UBE2U: variants seen among roughly 807,000 people sequenced by gnomAD.
UBE2U encodes ubiquitin conjugating enzyme E2 U.
UBE2U carries 39 observed loss-of-function variants against 41.2 expected under a neutral mutation model. The observed-to-expected ratio is 0.95, with a 90% confidence interval of 0.73 to 1.24. The LOEUF (loss-of-function observed/expected upper bound fraction) is 1.24, where lower values mean the gene tolerates loss of function less well. UBE2U is among the 50% of genes most tolerant of loss of function. The pLI is 0.00. For missense variants in UBE2U, 336 were observed against 363.1 expected (o/e 0.93, Z 0.61); for synonymous variants, 107 against 117.8 (o/e 0.91, Z 0.60).
chr1:64,205,556 A>G, intron 1 of UBE2U, 83 bp from the exon 2 acceptor site: 1 of 1,093,032 alleles, frequency 9.1e-7, no homozygotes, highest in Non-Finnish European at 1.3e-6. Context: ...TTTAGAATTC[A>G]GTGTGACCTG....
At chr1:64,245,403 A>C (rs532837404) in intron 8 of UBE2U, among the ~76,000 whole-genome samples, 2 of 152,328 alleles carry the variant, frequency 1.3e-5, no homozygotes, top group Admixed American at 1.3e-4. Flanking sequence ...TACTCTAGCT[A>C]ATGATTGCTT....
chr1:64,250,902 A>G (rs1030010846), intron 8 of UBE2U, among the ~76,000 whole-genome samples: 6 of 119,670 alleles, frequency 5.0e-5, no homozygotes, highest in Admixed American at 3.2e-4. Flanking sequence ...ATCACACACC[A>G]AGGCCTGTCG....
intron 7 of UBE2U, among the ~76,000 whole-genome samples, chr1:64,237,083 A>T (rs1466889407): frequency 6.6e-6 from 1 of 152,214 alleles, no homozygotes; most frequent in African/African-American, 2.4e-5. Context: ...AGGTAAGTGA[A>T]TTTAAGGTAG....
intron 7 of UBE2U, 106 bp from the exon 8 acceptor site, chr1:64,241,546 T>C (rs1644835093): frequency 1.3e-6 from 1 of 760,330 alleles, no homozygotes; most frequent in Admixed American, 2.9e-5. Flanking sequence ...GTGCATGTTA[T>C]TGCCACATAT....
At chr1:64,249,377 CA>C (rs71584441) in intron 8 of UBE2U, among the ~76,000 whole-genome samples, 3,503 of 67,284 alleles carry the variant, frequency 0.052, 34 homozygotes, top group African/African-American at 0.13. Flanking sequence ...GACTCTGTCT[CA>C]AAAAAAAAAA....
intron 8 of UBE2U, among the ~76,000 whole-genome samples, chr1:64,258,959 T>G (rs1557750245): frequency 6.6e-6 from 1 of 152,238 alleles, no homozygotes; most frequent in Non-Finnish European, 1.5e-5. Context: ...GCGTTTCTAT[T>G]TCCCCACATC....
At chr1:64,239,112 A>AAGGAGAAGGAGAAGGAGAAGG (rs1644745816) in intron 7 of UBE2U, among the ~76,000 whole-genome samples, 2 of 12,844 alleles carry the variant, frequency 1.6e-4, no homozygotes, top group African/African-American at 1.4e-3. Context: ...GAAGAAGAAG[A>AAGGAGAAGGAGAAGGAGAAGG]AGAAGAAGAA....
At chr1:64,254,121 C>T (rs1338299609) in intron 8 of UBE2U, among the ~76,000 whole-genome samples, 1 of 152,070 alleles carries the variant, frequency 6.6e-6, no homozygotes, top group East Asian at 1.9e-4. Context: ...ATCCTAGTTT[C>T]TGAAAACAGA....
At chr1:64,251,283 T>C (rs1353964243) in intron 8 of UBE2U, among the ~76,000 whole-genome samples, 1 of 151,816 alleles carries the variant, frequency 6.6e-6, no homozygotes, top group African/African-American at 2.4e-5. Context: ...TCAGGATTAA[T>C]TATGATAAAT....
At chr1:64,206,690 C>A in intron 2 of UBE2U, 74 bp from the exon 3 acceptor site, 1 of 892,826 alleles carries the variant, frequency 1.1e-6, no homozygotes, top group Non-Finnish European at 1.7e-6. Context: ...TAGGGAGAAA[C>A]TCCAGTGTTA....
chr1:64,210,108 C>T (rs867932461), intron 3 of UBE2U, among the ~76,000 whole-genome samples: 2 of 152,180 alleles, frequency 1.3e-5, no homozygotes, highest in South Asian at 4.2e-4. Context: ...TTAATCTTGT[C>T]CTTTGAGGCT....
At chr1:64,229,564 G>T in intron 6 of UBE2U, among the ~76,000 whole-genome samples, 1 of 152,294 alleles carries the variant, frequency 6.6e-6, no homozygotes, top group South Asian at 2.1e-4. Flanking sequence ...GTGCCGGAGG[G>T]TTTTAACCCA....
intron 9 of UBE2U, among the ~76,000 whole-genome samples, chr1:64,261,356 G>A (rs1458631365): frequency 1.3e-5 from 2 of 152,052 alleles, no homozygotes; most frequent in African/African-American, 4.8e-5. Flanking sequence ...CTAAAAATCT[G>A]CCCTTACTCA....
chr1:64,224,935 TCA>T (rs34259884), intron 6 of UBE2U, among the ~76,000 whole-genome samples: 21,459 of 146,468 alleles, frequency 0.15, 1,976 homozygotes, highest in African/African-American at 0.26. Flanking sequence ...TAGGATATTA[TCA>T]CACACACACA....
chr1:64,253,051 A>G (rs935659814), intron 8 of UBE2U, among the ~76,000 whole-genome samples: 1 of 152,210 alleles, frequency 6.6e-6, no homozygotes, highest in African/African-American at 2.4e-5. Context: ...CAGAATATCC[A>G]GTTTAGAGAG....
At chr1:64,214,256 A>G (rs1651839514) in intron 4 of UBE2U, among the ~76,000 whole-genome samples, 1 of 152,226 alleles carries the variant, frequency 6.6e-6, no homozygotes, top group East Asian at 1.9e-4. Flanking sequence ...GCTACTGAGC[A>G]CTTGAAATGT....
At chr1:64,204,259 T>G in intron 1 of UBE2U, 143 bp downstream of exon 1, 1 of 606,072 alleles carries the variant, frequency 1.6e-6, no homozygotes, top group Admixed American at 3.3e-5. Flanking sequence ...TCCATTTCAC[T>G]GAAGTAATGT....
intron 5 of UBE2U, among the ~76,000 whole-genome samples, chr1:64,217,595 C>A (rs939497445): frequency 6.6e-6 from 1 of 152,002 alleles, no homozygotes; most frequent in African/African-American, 2.4e-5. Flanking sequence ...TTTTTAAAAC[C>A]TTTGGTTGAA....
chr1:64,207,387 G>C (rs145730960), intron 3 of UBE2U, among the ~76,000 whole-genome samples: 194 of 152,270 alleles, frequency 1.3e-3, no homozygotes, highest in African/African-American at 4.5e-3. Flanking sequence ...CTGACCATCC[G>C]CCCACTTTGG....
Sources: allele counts gnomAD v4.1 joint callset (sites outside exome capture counted in the v4.1 genomes callset), GRCh38; gene constraint gnomAD v4.1.1; transcripts MANE v1.5; gene names NCBI Gene and HGNC (gene_info 2026-07-23, HGNC 2026-07-21).